The following PLEKHS1 variants were observed in gnomAD, a reference collection of about 807,000 sequenced individuals.
PLEKHS1 encodes the protein pleckstrin homology domain-containing family S member 1.
Under a neutral mutation model 51.0 loss-of-function variants are expected in PLEKHS1, and 55 were observed. The observed-to-expected ratio is 1.08, with a 90% confidence interval of 0.87 to 1.35. The LOEUF is 1.35. PLEKHS1 is among the 40% of genes most tolerant of loss of function. The pLI, the probability that PLEKHS1 is intolerant of heterozygous loss-of-function variation, is 0.00. For missense variants in PLEKHS1, 398 were observed against 423.0 expected, an observed-to-expected ratio of 0.94 and a Z score of 0.52; for synonymous variants, 153 against 144.8, an observed-to-expected ratio of 1.06 and a Z score of -0.41.
At chr10:113,774,201 CT>C (rs1844545886) in intron 8 of PLEKHS1, 25 bp from the exon 9 acceptor site, 1 of 1,414,942 alleles carries the variant, frequency 7.1e-7, no homozygotes, top group Non-Finnish European at 9.9e-7. Context: ...AACTGGGATT[CT>C]TACATCTATT....
At position 113,774,324 on chromosome 10, in the gene PLEKHS1, T is replaced by C. The variant is rs370187749; in HGVS notation, c.770T>C (p.Met257Thr). 1.1e-5 allele frequency: 18 copies of C among 1,570,328 alleles called. No homozygotes were observed. In the African/African-American group the frequency reaches 1.4e-4, roughly 12 times the overall value. ...AGAATTGAGTGTCATTATGAGCCAA[T>C]GGAATCCTAGTAAGTCAAAATGCCG... Residue 257 changes from methionine to threonine, a missense_variant, in exon 9 of 12, where the codon ATG becomes ACG. Met to Thr is a moderately conservative substitution (Grantham distance 81, BLOSUM62 -1). Transcript: ENST00000361048.
chr10:113,761,729 T>C (rs1843941039), intron 2 of PLEKHS1, among the ~76,000 whole-genome samples: 1 of 152,092 alleles, frequency 6.6e-6, no homozygotes, highest in South Asian at 2.1e-4. Context: ...TTTATTTCAT[T>C]CTTTTCCATT....
exon 12 of PLEKHS1, chr10:113,780,854 T>A (rs2134596715): frequency 7.2e-7 from 1 of 1,390,534 alleles, no homozygotes; most frequent in Non-Finnish European, 9.6e-7. Flanking sequence ...GCTGCTGCCA[T>A]GTGATAGGAG....
At chr10:113,774,166 T>C in intron 8 of PLEKHS1, 61 bp from the exon 9 acceptor site, 1 of 992,958 alleles carries the variant, frequency 1.0e-6, no homozygotes, top group Middle Eastern at 2.2e-4. Flanking sequence ...ATACTAGAAA[T>C]AAGAAGGTAC....
chr10:113,772,557 T>C (rs114096237), intron 8 of PLEKHS1, among the ~76,000 whole-genome samples: 2,630 of 152,262 alleles, frequency 0.017, 75 homozygotes, highest in African/African-American at 0.061. Flanking sequence ...TGAGCACTAG[T>C]CACTGTACTG....
At chr10:113,780,232 CA>C (rs1162331413) in intron 11 of PLEKHS1, among the ~76,000 whole-genome samples, 1 of 152,060 alleles carries the variant, frequency 6.6e-6, no homozygotes, top group Non-Finnish European at 1.5e-5. Flanking sequence ...AGAAACTGAT[CA>C]AGTTTAAGTT....
chr10:113,774,855 T>C, exon 10 of PLEKHS1: 1 of 1,614,044 alleles, frequency 6.2e-7, no homozygotes, highest in South Asian at 1.1e-5. Context: ...CATGAGTCTG[T>C]GGATAGCAGC....
downstream of PLEKHS1, chr10:113,783,024 T>C (rs139851777): frequency 1.1e-3 from 175 of 152,186 alleles, 1 homozygote; most frequent in African/African-American, 4.1e-3. Context: ...TCACCTGAGG[T>C]CTGGAGCTCG....
chr10:113,760,174 G>A (rs1256434633), intron 2 of PLEKHS1, among the ~76,000 whole-genome samples: 3 of 152,164 alleles, frequency 2.0e-5, no homozygotes, highest in Non-Finnish European at 1.5e-5. Flanking sequence ...TACCCATGTC[G>A]TTGCATCTGT....
chr10:113,770,300 T>C (rs114723686), intron 7 of PLEKHS1, among the ~76,000 whole-genome samples: 1,992 of 152,328 alleles, frequency 0.013, 37 homozygotes, highest in African/African-American at 0.046. Context: ...GAGTTTCTTG[T>C]TAATCTCTTC....
chr10:113,774,448 G>A, intron 9 of PLEKHS1, 115 bp downstream of exon 9: 1 of 651,390 alleles, frequency 1.5e-6, no homozygotes, highest in Non-Finnish European at 2.6e-6. Flanking sequence ...CCAGAGACCA[G>A]TTTCCACATA....
chr10:113,769,768 C>T lies in PLEKHS1; in HGVS notation c.436-16C>T, dbSNP rs1442709919. ...AGATCAACTGTGCCCTGACTGATTC[C>T]TTTTTTTGTGAGCAGGAGGAACTCT... On this transcript the variant is annotated splice_polypyrimidine_tract_variant and intron_variant, in intron 6 of 11. Coordinates refer to ENST00000361048, the Ensembl canonical transcript of PLEKHS1. The T allele has an allele frequency of 6.4e-7, 1 of 1,561,522 alleles. No individual in the cohort carries two copies. Among genetic ancestry groups the T allele is most frequent in the Non-Finnish European group, 8.8e-7 (1 of 1,132,502 alleles).
intron 1 of PLEKHS1, among the ~76,000 whole-genome samples, chr10:113,752,281 T>A (rs547944216): frequency 1.7e-4 from 26 of 152,306 alleles, no homozygotes; most frequent in African/African-American, 6.0e-4. Context: ...GTGAAAACAG[T>A]GCAAGCTTTA....
chr10:113,767,413 G>A, exon 5 of PLEKHS1: 1 of 1,613,248 alleles, frequency 6.2e-7, no homozygotes, highest in Non-Finnish European at 8.5e-7. Context: ...ATGTTTAAAT[G>A]CCACCCTGAT....
chr10:113,772,174 G>A, intron 8 of PLEKHS1, 85 bp downstream of exon 8: 2 of 1,456,628 alleles, frequency 1.4e-6, no homozygotes, highest in Non-Finnish European at 1.9e-6. Flanking sequence ...GCAATATTAG[G>A]CTATGGTCAG....
intron 11 of PLEKHS1, chr10:113,777,141 GC>G (rs749797511): frequency 1.2e-6 from 2 of 1,612,650 alleles, no homozygotes; most frequent in Admixed American, 3.3e-5. Context: ...CAGTGGGAAG[GC>G]CCCCCACGTT....
rs567448349 is a variant in PLEKHS1, at chr10:113,781,086, T to C, written c.*484T>C. The C allele has an allele frequency of 2.0e-4, 72 of 355,032 alleles. No individual in the cohort carries two copies. In the South Asian group the frequency reaches 3.6e-3, roughly 18 times the overall value. 22.0% of individuals were successfully genotyped at this position (355,032 alleles called of 1,614,324 possible). On this transcript the variant is annotated 3_prime_UTR_variant, in exon 12 of 12. Transcript: ENST00000361048. ...ATACATGCTGTGTTCTGTGAGGATG[T>C]GGTCCACACAATTCCTTCTTTGTTA...
chr10:113,761,314 T>A (rs4918868), intron 2 of PLEKHS1, among the ~76,000 whole-genome samples: 28,029 of 152,112 alleles, frequency 0.18, 2,712 homozygotes, highest in East Asian at 0.29. Context: ...TTTTACAAGA[T>A]AAAAAATGCC....
chr10:113,767,479 G>A, exon 5 of PLEKHS1: 3 of 1,602,100 alleles, frequency 1.9e-6, no homozygotes, highest in Non-Finnish European at 1.7e-6. Flanking sequence ...GGCCACGACA[G>A]GTGAGAGAAG....
Sources: gnomAD v4.1 joint callset for allele counts (sites outside exome capture counted in the v4.1 genomes callset) on GRCh38, gnomAD v4.1.1 for gene constraint, MANE v1.5 for transcripts, NCBI Gene and HGNC (gene_info 2026-07-23, HGNC 2026-07-21) for gene names.